Variants in SLC60A2 observed in about 807,000 individuals in gnomAD.
SLC60A2 encodes solute carrier family 60 member 2, also known as major facilitator superfamily domain containing 4B.
the SLC60A2 span, chr6:111,259,812 C>T: frequency 4.8e-6 from 6 of 1,253,126 alleles, no homozygotes; most frequent in Non-Finnish European, 1.1e-6. Flanking sequence ...GGCGCGTTAC[C>T]TAATCTGACT....
chr6:111,274,307 C>T, the SLC60A2 span, among the ~76,000 whole-genome samples: 1 of 152,124 alleles, frequency 6.6e-6, no homozygotes, highest in Non-Finnish European at 1.5e-5. Flanking sequence ...TTTATCTAAG[C>T]ATAGCTATTC....
the SLC60A2 span, among the ~76,000 whole-genome samples, chr6:111,259,911 CTT>C: frequency 1.9e-4 from 23 of 121,136 alleles, no homozygotes; most frequent in Admixed American, 3.6e-4. Flanking sequence ...CTCCAGCAAG[CTT>C]TTTTTTTTTT....
the SLC60A2 span, among the ~76,000 whole-genome samples, chr6:111,276,920 C>T: frequency 2.0e-5 from 3 of 152,006 alleles, no homozygotes; most frequent in Non-Finnish European, 4.4e-5. Context: ...CTTATTGGGC[C>T]TTGCCTCAGG....
the SLC60A2 span, among the ~76,000 whole-genome samples, chr6:111,271,775 TAAAAA>T: frequency 0.011 from 200 of 18,842 alleles, 2 homozygotes; most frequent in South Asian, 0.012. Flanking sequence ...CCATCTCTAC[TAAAAA>T]AAAAAAAAAA....
chr6:111,267,322 T>G, the SLC60A2 span: 1 of 518,854 alleles, frequency 1.9e-6, no homozygotes, highest in East Asian at 3.1e-5. Flanking sequence ...ACACGTACAA[T>G]AGGATCTTGT....
the SLC60A2 span, chr6:111,265,945 C>T: frequency 6.2e-7 from 1 of 1,614,158 alleles, no homozygotes; most frequent in Non-Finnish European, 8.5e-7. Flanking sequence ...TTACACTTCT[C>T]TTTTGCCTTG....
the SLC60A2 span, chr6:111,266,334 A>T: frequency 2.5e-6 from 4 of 1,613,766 alleles, no homozygotes; most frequent in African/African-American, 5.3e-5. Flanking sequence ...ATTTGCAACC[A>T]CCCATGCTGG....
At chr6:111,272,980 A>G in the SLC60A2 span, among the ~76,000 whole-genome samples, 1,846 of 149,242 alleles carry the variant, frequency 0.012, 27 homozygotes, top group African/African-American at 0.044. Flanking sequence ...ACAGGCATCC[A>G]CCACCATGCC....
At chr6:111,259,711 C>T in the SLC60A2 span, 3 of 1,598,748 alleles carry the variant, frequency 1.9e-6, no homozygotes, top group East Asian at 2.3e-5. Flanking sequence ...ATGCTGTGTG[C>T]CTCCTTCCTG....
the SLC60A2 span, among the ~76,000 whole-genome samples, chr6:111,261,230 T>TTA: frequency 5.3e-5 from 8 of 152,198 alleles, no homozygotes; most frequent in African/African-American, 1.9e-4. Context: ...CCTGTATGTT[T>TTA]TATATGTATA....
the SLC60A2 span, among the ~76,000 whole-genome samples, chr6:111,272,070 G>A: frequency 1.1e-4 from 16 of 152,190 alleles, no homozygotes; most frequent in East Asian, 2.3e-3. Context: ...TGGCCTGATC[G>A]CAGCTCACTG....
the SLC60A2 span, among the ~76,000 whole-genome samples, chr6:111,275,629 T>A: frequency 6.6e-6 from 1 of 152,080 alleles, no homozygotes; most frequent in East Asian, 1.9e-4. Flanking sequence ...AGGCTGGTCT[T>A]GAACTGCTGA....
At chr6:111,266,677 T>C in the SLC60A2 span, 1 of 1,614,194 alleles carries the variant, frequency 6.2e-7, no homozygotes, top group East Asian at 2.2e-5. Context: ...ATTCCTGCAG[T>C]CATTGGAATT....
the SLC60A2 span, among the ~76,000 whole-genome samples, chr6:111,264,982 A>G: frequency 9.2e-5 from 14 of 152,130 alleles, no homozygotes; most frequent in African/African-American, 2.7e-4. Flanking sequence ...AATCCCAGCT[A>G]CTCAGGAGGC....
chr6:111,266,633 T>A, the SLC60A2 span: 20 of 1,614,230 alleles, frequency 1.2e-5, no homozygotes, highest in Non-Finnish European at 1.4e-5. Flanking sequence ...CTGCAGCATT[T>A]TTTGTAATTG....
At chr6:111,267,120 A>G in the SLC60A2 span, 15 of 1,598,134 alleles carry the variant, frequency 9.4e-6, no homozygotes, top group Non-Finnish European at 1.3e-5. Flanking sequence ...TAACGTTTAG[A>G]GAAGATGGAT....
At chr6:111,271,775 T>TAAAAAAAAAAAAAAAAAAAA in the SLC60A2 span, among the ~76,000 whole-genome samples, 3 of 18,850 alleles carry the variant, frequency 1.6e-4, no homozygotes, top group South Asian at 6.1e-3. Flanking sequence ...CCATCTCTAC[T>TAAAAAAAAAAAAAAAAAAAA]AAAAAAAAAA....
chr6:111,267,318 A>G, the SLC60A2 span: 2 of 530,976 alleles, frequency 3.8e-6, no homozygotes, highest in East Asian at 6.0e-5. Context: ...TCATACACGT[A>G]CAATAGGATC....
At chr6:111,269,111 A>G in the SLC60A2 span, 2 of 152,300 alleles carry the variant, frequency 1.3e-5, no homozygotes, top group South Asian at 2.1e-4. Flanking sequence ...TATGCCTGCC[A>G]CAGTCTTGGT....
Sources: gnomAD v4.1 joint callset for allele counts (sites outside exome capture counted in the v4.1 genomes callset) on GRCh38, gnomAD v4.1.1 for gene constraint, MANE v1.5 for transcripts, NCBI Gene and HGNC (gene_info 2026-07-23, HGNC 2026-07-21) for gene names.